The following CFAP47 variants were observed in gnomAD, a reference collection of about 807,000 sequenced individuals.
CFAP47 encodes cilia and flagella associated protein 47.
A neutral mutation model predicts 148.1 loss-of-function variants in CFAP47; 29 were observed. The observed-to-expected ratio is 0.20, with a 90% CI of 0.15 to 0.27. The LOEUF (loss-of-function observed/expected upper bound fraction) is 0.27. CFAP47 is among the 10% of genes least tolerant of loss of function. The pLI is 1.00. For missense variants in CFAP47, 1,872 were observed against 1,697.5 expected, an observed-to-expected ratio of 1.10 and a Z score of -1.81; for synonymous variants, 664 against 577.3, an observed-to-expected ratio of 1.15 and a Z score of -2.15.
intron 40 of CFAP47, among the ~76,000 whole-genome samples, chrX:36,187,426 C>T (rs1234239080): frequency 8.9e-6 from 1 of 111,829 alleles, no homozygotes; most frequent in Non-Finnish European, 1.9e-5. Flanking sequence ...AAGGATTGAA[C>T]AAAATGAGGT....
chrX:36,203,119 G>A (rs1940000624), intron 44 of CFAP47, among the ~76,000 whole-genome samples: 1 of 111,118 alleles, frequency 9.0e-6, no homozygotes, highest in African/African-American at 3.3e-5. Flanking sequence ...TTGAATTTCT[G>A]GTTGGCTCAA....
intron 19 of CFAP47, among the ~76,000 whole-genome samples, chrX:35,999,271 C>T (rs1002716768): frequency 1.8e-5 from 2 of 112,198 alleles, no homozygotes; most frequent in Non-Finnish European, 3.8e-5. Context: ...TACTTTCATA[C>T]GGAATTCTCC....
At chrX:36,170,732 T>C (rs1275113666) in intron 39 of CFAP47, among the ~76,000 whole-genome samples, 8 of 107,563 alleles carry the variant, frequency 7.4e-5, no homozygotes, top group Admixed American at 5.0e-4. Context: ...GTCTTTGCTA[T>C]TGTGAATAAT....
chrX:36,160,850 CTTT>C (rs147566241), intron 39 of CFAP47, 81 bp downstream of exon 39: 1,438 of 156,370 alleles, frequency 9.2e-3, no homozygotes, highest in East Asian at 0.018. Context: ...TTCTTTCTTT[CTTT>C]TTTTTTTTTT....
intron 2 of CFAP47, among the ~76,000 whole-genome samples, chrX:35,932,409 G>A (rs761511950): frequency 1.3e-4 from 14 of 106,230 alleles, no homozygotes; most frequent in Admixed American, 7.2e-4. Context: ...ACAAGCACCC[G>A]CCACCACGCA....
intron 44 of CFAP47, among the ~76,000 whole-genome samples, chrX:36,204,302 C>A (rs782809906): frequency 7.9e-4 from 88 of 110,964 alleles, no homozygotes; most frequent in Non-Finnish European, 1.2e-3. Flanking sequence ...TGCTTGGAAA[C>A]CATCATTCTC....
chrX:36,056,687 T>G (rs1470974666), intron 26 of CFAP47, among the ~76,000 whole-genome samples: 1 of 112,636 alleles, frequency 8.9e-6, no homozygotes, highest in African/African-American at 3.2e-5. Context: ...ATGTTAGCAC[T>G]TGGTGCTTAG....
chrX:36,294,211 C>A (rs1941219540), intron 51 of CFAP47, among the ~76,000 whole-genome samples: 1 of 110,780 alleles, frequency 9.0e-6, no homozygotes, highest in African/African-American at 3.3e-5. Context: ...ATCCTGCAAC[C>A]TGAAAGAGCC....
chrX:36,049,385 CAT>C (rs1937503636), intron 26 of CFAP47, among the ~76,000 whole-genome samples: 1 of 109,161 alleles, frequency 9.2e-6, no homozygotes, highest in Non-Finnish European at 1.9e-5. Flanking sequence ...TTATAATAAG[CAT>C]ATGTTTTCGA....
At chrX:36,067,726 G>A (rs770181934) in intron 27 of CFAP47, among the ~76,000 whole-genome samples, 2 of 102,933 alleles carry the variant, frequency 1.9e-5, no homozygotes, top group South Asian at 9.4e-4. Context: ...GCAGTGGCAT[G>A]ATCTTGGCTC....
chrX:36,081,092 A>T (rs1937970980), intron 29 of CFAP47, among the ~76,000 whole-genome samples: 2 of 111,552 alleles, frequency 1.8e-5, no homozygotes. Flanking sequence ...AGATTGATAG[A>T]CTACTAGCTA....
chrX:36,311,063 A>G, intron 56 of CFAP47, 74 bp downstream of exon 56: 2 of 577,683 alleles, frequency 3.5e-6, no homozygotes, highest in African/African-American at 4.7e-5. Context: ...TAGAATCAAA[A>G]CATTTTAGAA....
At chrX:35,948,241 G>C (rs1463557233) in intron 3 of CFAP47, 73 bp from the exon 4 acceptor site, 8 of 940,684 alleles carry the variant, frequency 8.5e-6, no homozygotes, top group Non-Finnish European at 1.2e-5. Context: ...AAAGTATGTT[G>C]GTCCCCTACT....
chrX:36,347,773 C>T (rs1244204651), intron 57 of CFAP47, among the ~76,000 whole-genome samples: 1 of 109,646 alleles, frequency 9.1e-6, no homozygotes, highest in Non-Finnish European at 1.9e-5. Context: ...CACACCATGG[C>T]CTGTTGTGGG....
intron 57 of CFAP47, among the ~76,000 whole-genome samples, chrX:36,323,576 C>T (rs918649496): frequency 1.8e-5 from 2 of 111,221 alleles, no homozygotes; most frequent in African/African-American, 3.3e-5. Context: ...ACAACTGTTA[C>T]GACTAACATA....
At chrX:36,157,998 C>T (rs973500748) in intron 37 of CFAP47, among the ~76,000 whole-genome samples, 5 of 111,220 alleles carry the variant, frequency 4.5e-5, no homozygotes, top group Admixed American at 1.9e-4. Flanking sequence ...TTAAAATCAC[C>T]CCCACTCCTG....
At chrX:36,376,167 G>C (rs923746820) in intron 62 of CFAP47, among the ~76,000 whole-genome samples, 4 of 112,305 alleles carry the variant, frequency 3.6e-5, no homozygotes, top group Non-Finnish European at 5.6e-5. Flanking sequence ...AATCATCCTG[G>C]CTAGAGATTC....
At chrX:36,047,236 A>G (rs938917431) in intron 26 of CFAP47, among the ~76,000 whole-genome samples, 173 bp downstream of exon 26, 17 of 111,927 alleles carry the variant, frequency 1.5e-4, no homozygotes, top group Admixed American at 1.3e-3. Context: ...GCAGCATAAT[A>G]GTGGCTACCA....
chrX:36,352,432 G>A (rs1292671844), intron 59 of CFAP47, among the ~76,000 whole-genome samples: 1 of 110,760 alleles, frequency 9.0e-6, no homozygotes, highest in Non-Finnish European at 1.9e-5. Flanking sequence ...ATTTGTTATA[G>A]TATTTTAAAC....
Sources: gnomAD v4.1 joint callset for allele counts (sites outside exome capture counted in the v4.1 genomes callset) on GRCh38, gnomAD v4.1.1 for gene constraint, MANE v1.5 for transcripts, NCBI Gene and HGNC (gene_info 2026-07-23, HGNC 2026-07-21) for gene names.